Variants in PPP1R12B observed in about 807,000 individuals in gnomAD.
PPP1R12B encodes myosin phosphatase target subunit 2.
A neutral mutation model predicts 126.1 loss-of-function variants in PPP1R12B; 76 were observed. The observed-to-expected ratio is 0.60, with a 90% CI of 0.50 to 0.73. PPP1R12B has a LOEUF of 0.73. Among genes scored for constraint, PPP1R12B ranks in the 30% least tolerant of loss-of-function variants. The probability of loss-of-function intolerance (pLI) is 0.00; values close to 1 mark genes in which losing one functional copy is unlikely to be tolerated. For synonymous variants in PPP1R12B, 356 were observed against 434.7 expected (o/e 0.82, Z 2.25); for missense variants, 1,052 against 1,205.1 (o/e 0.87, Z 1.88).
chr1:202,534,536 C>A (rs1684324843), intron 18 of PPP1R12B, among the ~76,000 whole-genome samples: 1 of 150,420 alleles, frequency 6.6e-6, no homozygotes, highest in African/African-American at 2.4e-5. Flanking sequence ...TGAGTTCATA[C>A]CAACATGGGG....
chr1:202,516,284 G>A (rs1370806585), intron 18 of PPP1R12B, among the ~76,000 whole-genome samples: 1 of 152,176 alleles, frequency 6.6e-6, no homozygotes, highest in Non-Finnish European at 1.5e-5. Flanking sequence ...TTAGGAGAGG[G>A]TCAGCTACAT....
intron 13 of PPP1R12B, among the ~76,000 whole-genome samples, chr1:202,472,641 T>G (rs1676085209): frequency 6.6e-6 from 1 of 152,186 alleles, no homozygotes; most frequent in African/African-American, 2.4e-5. Context: ...GGAAAAGAAT[T>G]CAAGATGATA....
intron 1 of PPP1R12B, among the ~76,000 whole-genome samples, chr1:202,391,340 T>A (rs1301280717): frequency 6.6e-6 from 1 of 152,174 alleles, no homozygotes; most frequent in Non-Finnish European, 1.5e-5. Flanking sequence ...TACCACTTTG[T>A]ACCCACTAGG....
At chr1:202,360,639 G>A (rs1179191086) in intron 1 of PPP1R12B, among the ~76,000 whole-genome samples, 2 of 151,654 alleles carry the variant, frequency 1.3e-5, no homozygotes, top group Admixed American at 1.3e-4. Context: ...TACCTGGGAG[G>A]TAGAGGTTGC....
At chr1:202,356,318 T>G (rs1340736189) in intron 1 of PPP1R12B, among the ~76,000 whole-genome samples, 13 of 151,748 alleles carry the variant, frequency 8.6e-5, no homozygotes, top group Admixed American at 8.6e-4. Flanking sequence ...AAGGTGAGAG[T>G]TGAAGTAATG....
rs373210161 is a variant in PPP1R12B at position 202,431,783 on chromosome 1, T to G, written c.1141+164T>G. ...GCCAGTGACCACCTGATATAAAAAC[T>G]GTGAGCTATGTTAGACTATATCTAC... On this transcript the variant is annotated intron_variant, in intron 8 of 23. Coordinates refer to ENST00000608999, the MANE Select transcript of PPP1R12B (RefSeq NM_002481.4). Among the ~76,000 whole-genome samples the G allele has an allele frequency of 3.9e-5, 6 of 152,336 alleles. No homozygotes were observed. In the South Asian group the frequency reaches 6.2e-4, roughly 16 times the overall value.
intron 1 of PPP1R12B, among the ~76,000 whole-genome samples, chr1:202,364,630 G>A (rs1201943430): frequency 6.6e-6 from 1 of 152,156 alleles, no homozygotes; most frequent in African/African-American, 2.4e-5. Context: ...AGGCTGGAGT[G>A]CAGTGGCATG....
chr1:202,551,084 T>G (rs1300611492), intron 18 of PPP1R12B, among the ~76,000 whole-genome samples: 1 of 152,230 alleles, frequency 6.6e-6, no homozygotes, highest in African/African-American at 2.4e-5. Flanking sequence ...GTTTTTCTTT[T>G]AAAATATAGT....
chr1:202,386,207 C>T (rs1663113563), intron 1 of PPP1R12B, among the ~76,000 whole-genome samples: 1 of 152,072 alleles, frequency 6.6e-6, no homozygotes, highest in Admixed American at 6.6e-5. Flanking sequence ...GGATTACAGG[C>T]GTGAGCCACC....
chr1:202,481,530 T>G (rs1043667585), intron 13 of PPP1R12B, among the ~76,000 whole-genome samples: 1 of 124,946 alleles, frequency 8.0e-6, no homozygotes, highest in Non-Finnish European at 1.8e-5. Flanking sequence ...TTGGAAGATA[T>G]AGTTTTTTTA....
intron 1 of PPP1R12B, among the ~76,000 whole-genome samples, chr1:202,349,816 A>G (rs936288297): frequency 2.0e-5 from 3 of 151,776 alleles, no homozygotes; most frequent in Admixed American, 2.0e-4. Flanking sequence ...TAGCTTTTCT[A>G]TTTTTCTATT....
In PPP1R12B at chr1:202,449,009, C is replaced by T; in HGVS notation, c.1688C>T (p.Ala563Val). ...YLKRTPHKSQ[A>V]DTTAEKTADN... ...TTCAGGACTCCTCACAAATCCCAGG[C>T]CGACACAACAGCAGAGAAAACAGCA... Residue 563 changes from alanine to valine, a missense_variant, in exon 13 of 24, where the codon GCC becomes GTC. Ala to Val is a moderately conservative substitution (Grantham distance 64). Transcript: ENST00000608999. 1.2e-6 allele frequency: 2 copies of T among 1,613,840 alleles called. No homozygotes were observed. The highest frequency in any genetic ancestry group is 1.7e-6 in the Non-Finnish European group (2 of 1,179,830).
At chr1:202,531,843 C>G (rs1425391049) in intron 18 of PPP1R12B, among the ~76,000 whole-genome samples, 1 of 152,076 alleles carries the variant, frequency 6.6e-6, no homozygotes, top group Non-Finnish European at 1.5e-5. Flanking sequence ...CTTAAAGGAC[C>G]TTGTGGTTTT....
intron 19 of PPP1R12B, among the ~76,000 whole-genome samples, chr1:202,560,560 G>T (rs1687409810): frequency 6.6e-6 from 1 of 152,138 alleles, no homozygotes; most frequent in Non-Finnish European, 1.5e-5. Flanking sequence ...ATGACCAGAG[G>T]ACACTCTCAC....
chr1:202,578,754 T>C (rs573294780), intron 23 of PPP1R12B, among the ~76,000 whole-genome samples: 132 of 152,300 alleles, frequency 8.7e-4, no homozygotes, highest in African/African-American at 3.1e-3. Context: ...GCAGAGTCCC[T>C]ACCATACGAG....
rs1689964636 is a variant in PPP1R12B, at chr1:202,588,603, T to C, written c.*8043T>C. 6.6e-6 allele frequency: 1 copy of C among 152,574 alleles called. No individual in the cohort carries two copies. Among genetic ancestry groups the C allele is most frequent in the East Asian group, 1.9e-4 (1 of 5,200 alleles). 9.5% of individuals were successfully genotyped at this position (152,574 alleles called of 1,614,324 possible). A position where few individuals can be genotyped will look rare whatever the true frequency, so the allele number is the denominator to read the frequency against. On this transcript the variant is annotated 3_prime_UTR_variant, in exon 24 of 24. Transcript: ENST00000608999. ...TCCACAGTTCAGAGCATGGGATTTC[T>C]AGAATCTCACATCTGGGGCAGCCTC...
intron 18 of PPP1R12B, among the ~76,000 whole-genome samples, chr1:202,533,086 C>G (rs915775389): frequency 8.5e-5 from 13 of 152,086 alleles, no homozygotes; most frequent in African/African-American, 1.7e-4. Flanking sequence ...TCAGGCTGGT[C>G]TTGAACTCCC....
intron 18 of PPP1R12B, among the ~76,000 whole-genome samples, chr1:202,542,470 C>G (rs1685226889): frequency 6.6e-6 from 1 of 152,208 alleles, no homozygotes; most frequent in African/African-American, 2.4e-5. Flanking sequence ...TTCCCAGCAA[C>G]ATTGGAGTAC....
At chr1:202,375,445 C>T (rs1661022258) in intron 1 of PPP1R12B, among the ~76,000 whole-genome samples, 1 of 152,184 alleles carries the variant, frequency 6.6e-6, no homozygotes, top group Non-Finnish European at 1.5e-5. Context: ...TAATACATTT[C>T]CTTCTCCTAC....
Sources: allele counts gnomAD v4.1 joint callset (sites outside exome capture counted in the v4.1 genomes callset), GRCh38; gene constraint gnomAD v4.1.1; transcripts MANE v1.5; gene names NCBI Gene and HGNC (gene_info 2026-07-23, HGNC 2026-07-21).